The following CFAP74 variants were observed in gnomAD, a reference collection of about 807,000 sequenced individuals.
CFAP74 encodes cilia and flagella associated protein 74, also known as cilia- and flagella-associated protein 74.
Under a neutral mutation model 188.9 loss-of-function variants are expected in CFAP74, and 124 were observed. The ratio of observed to expected loss-of-function variants is 0.66; its 90% CI spans 0.57 to 0.76. The LOEUF (loss-of-function observed/expected upper bound fraction) is 0.76. Among genes scored for constraint, CFAP74 ranks in the 30% least tolerant of loss-of-function variants. The pLI, the probability that CFAP74 is intolerant of heterozygous loss-of-function variation, is 0.00. For synonymous variants in CFAP74, 956 were observed against 916.7 expected (o/e 1.04, Z -0.77); for missense variants, 2,198 against 2,165.2 (o/e 1.02, Z -0.30).
Position 1,959,168 on chromosome 1 carries a change from C to T in CFAP74, c.1803G>A (p.Gln601=). The change falls in exon 16 of 39, where the codon CAG becomes CAA. Residue 601 remains glutamine, a synonymous_variant. Coordinates refer to ENST00000682832, the MANE Select transcript of CFAP74 (RefSeq NM_001304360.2). ...TCAGTGGAACTGAAAACTCGCCCGT[C>T]TGAGCCAAAAATGAGATATTTCCTT... The part of the protein sequence containing the change: ...DLEGNISFLA[Q]TGEFSVPLKC... 1 of 1,613,274 alleles carries T rather than the reference C, an allele frequency of 6.2e-7. No individual in the cohort carries two copies. Among genetic ancestry groups the T allele is most frequent in the South Asian group, 1.1e-5 (1 of 91,076 alleles).
chr1:1,952,352 TA>T lies in CFAP74; in HGVS notation c.2176+3338del, dbSNP rs111449449. ...AGGATAAAAGGCTAGAGTATAAAAT[TA>T]AAAAAAAAAAAGAAAAGAAACAAAA... On this transcript the variant is annotated intron_variant, in intron 18 of 38. Transcript: ENST00000682832. Among the ~76,000 whole-genome samples, 711 of 135,500 alleles carry T rather than the reference TA, an allele frequency of 5.2e-3. 1 individual carries two copies. The highest frequency in any genetic ancestry group is 0.012 in the African/African-American group (465 of 38,286). The allele number at this position is 135,500 out of a possible 152,430, so 88.9% of individuals were successfully genotyped here.
At chr1:1,988,805 C>T (rs1657396980) in intron 3 of CFAP74, 84 bp downstream of exon 3, 3 of 1,003,168 alleles carry the variant, frequency 3.0e-6, no homozygotes, top group Non-Finnish European at 4.4e-6. Flanking sequence ...GAAGCAGCCG[C>T]CCCGCTCCCT....
At chr1:1,926,401 C>T in intron 31 of CFAP74, 54 bp from the exon 32 acceptor site, 1 of 1,550,218 alleles carries the variant, frequency 6.5e-7, no homozygotes, top group South Asian at 1.2e-5. Context: ...CTACCACGCC[C>T]TCCCCGGTCC....
At chr1:1,990,832 A>T in intron 2 of CFAP74, 58 bp downstream of exon 2, 1 of 1,337,964 alleles carries the variant, frequency 7.5e-7, no homozygotes, top group South Asian at 1.2e-5. Context: ...ACTATGAAGC[A>T]TGTCATTTGT....
At chr1:1,931,604 G>GC (rs1263404430) in intron 25 of CFAP74, among the ~76,000 whole-genome samples, 1 of 149,538 alleles carries the variant, frequency 6.7e-6, no homozygotes, top group Non-Finnish European at 1.5e-5. Context: ...GGGTGTGCTG[G>GC]CGGGCGCCTG....
chr1:1,969,886 G>A (rs1261230398), intron 10 of CFAP74, among the ~76,000 whole-genome samples: 1 of 152,270 alleles, frequency 6.6e-6, no homozygotes, highest in African/African-American at 2.4e-5. Flanking sequence ...TGGACAGGGA[G>A]ACTGGGATGG....
rs577618889 is a variant in CFAP74 at position 1,926,579 on chromosome 1, G to A, written c.3773-67C>T. ...CAGGGAGCGTCTCTGCCAGGGGTGG[G>A]CCGTGGGGCTGGGGGAGGCGTGGGT... On this transcript the variant is annotated intron_variant, in intron 30 of 38. Coordinates refer to ENST00000682832, the MANE Select transcript of CFAP74 (RefSeq NM_001304360.2). 3.9e-6 allele frequency: 6 copies of A among 1,547,030 alleles called. No homozygotes were observed. The South Asian group carries it at 7.1e-5, about 18-fold the overall frequency.
chr1:1,990,881 C>G lies in CFAP74; in HGVS notation c.67+9G>C, dbSNP rs1657527846. ...GAAACTTCCGTTACTGTGAAAGAAG[C>G]TTTATTACCATCTTCCAAAAGAAGG... On this transcript the variant is annotated intron_variant, in intron 2 of 38. Transcript: ENST00000682832. 6.2e-7 allele frequency: 1 copy of G among 1,609,272 alleles called. No individual in the cohort carries two copies. The highest frequency in any genetic ancestry group is 8.5e-7 in the Non-Finnish European group (1 of 1,177,790).
At chr1:1,933,415 G>A (rs1266703141) in intron 25 of CFAP74, among the ~76,000 whole-genome samples, 2 of 144,550 alleles carry the variant, frequency 1.4e-5, no homozygotes, top group South Asian at 4.4e-4. Flanking sequence ...CCTGACCTCA[G>A]GTGATCCGCC....
intron 26 of CFAP74, 140 bp from the exon 27 acceptor site, chr1:1,929,022 T>TCTGTCCCC: frequency 1.6e-6 from 1 of 615,148 alleles, no homozygotes. Flanking sequence ...GCGTGCCCCT[T>TCTGTCCCC]CAGGAAGCCC....
At chr1:1,925,343 A>AAGGCATGAGAGCACACAGGGCAGTGCG (rs1328276257) in intron 33 of CFAP74, among the ~76,000 whole-genome samples, 2 of 151,816 alleles carry the variant, frequency 1.3e-5, no homozygotes, top group Non-Finnish European at 2.9e-5. Flanking sequence ...CGCTGGTGTG[A>AAGGCATGAGAGCACACAGGGCAGTGCG]AGGCATGAGA....
Position 1,968,615 on chromosome 1 carries a change from C to T in CFAP74, c.1245+20G>A. Reference sequence around the variant, plus strand: ...TCCACAGGTGTGCGGCTTCTGTCTACAGGAAGGCGTTTTGCTCACCAGTGT... The same window carrying T: ...TCCACAGGTGTGCGGCTTCTGTCTATAGGAAGGCGTTTTGCTCACCAGTGT... On this transcript the variant is annotated intron_variant, in intron 11 of 38. Transcript: ENST00000682832. This position sits in a 1 kb window ranked among gnomAD's most constrained non-coding sequence, Gnocchi z 4.3. The T allele has an allele frequency of 6.2e-7, 1 of 1,608,012 alleles. No individual in the cohort carries two copies. The highest frequency in any genetic ancestry group is 1.1e-5 in the South Asian group (1 of 90,782).
rs540449658 is a variant in CFAP74, at chr1:1,961,605, C to T, written c.1695-1575G>A. ...CACCTCTGCACGCGCCCTCCAGAAACCACATGGATCAATGAGAGAAACAGG... is the reference window on the plus strand; with the variant it reads ...CACCTCTGCACGCGCCCTCCAGAAATCACATGGATCAATGAGAGAAACAGG... On this transcript the variant is annotated intron_variant, in intron 14 of 38. Coordinates refer to ENST00000682832, the MANE Select transcript of CFAP74 (RefSeq NM_001304360.2). 1.1e-4 allele frequency among the ~76,000 whole-genome samples: 16 copies of T among 152,192 alleles called. No homozygotes were observed. In the South Asian group the frequency reaches 3.3e-3, roughly 32 times the overall value.
At chr1:2,002,604 A>G (rs939410330) in intron 1 of CFAP74, among the ~76,000 whole-genome samples, 10 of 151,062 alleles carry the variant, frequency 6.6e-5, no homozygotes, top group Non-Finnish European at 1.2e-4. Context: ...CAGGAGGTGG[A>G]GGTTGCAGTG....
chr1:1,966,553 A>G (rs1234349748), intron 11 of CFAP74, 27 bp from the exon 12 acceptor site: 7 of 1,500,682 alleles, frequency 4.7e-6, no homozygotes, highest in Non-Finnish European at 6.3e-6. Context: ...GAACATCGCA[A>G]AGACACGCTC....
At chr1:1,941,229 G>A (rs1214485180) in intron 22 of CFAP74, among the ~76,000 whole-genome samples, 1 of 152,206 alleles carries the variant, frequency 6.6e-6, no homozygotes, top group Non-Finnish European at 1.5e-5. Flanking sequence ...CCGATTTTAA[G>A]CTCAGCTCCG....
chr1:1,966,837 ATTTT>A (rs756219387), intron 11 of CFAP74, among the ~76,000 whole-genome samples: 2 of 135,682 alleles, frequency 1.5e-5, no homozygotes, highest in Non-Finnish European at 3.2e-5. Flanking sequence ...ATCTGTTCTC[ATTTT>A]TTTTTTTTTT....
chr1:1,972,123 C>A, intron 8 of CFAP74, 41 bp from the exon 9 acceptor site: 1 of 1,505,068 alleles, frequency 6.6e-7, no homozygotes, highest in East Asian at 2.3e-5. Flanking sequence ...CTCTGTCGCC[C>A]AGGCTGGTGT....
At chr1:1,961,507 G>A (rs748442473) in intron 14 of CFAP74, among the ~76,000 whole-genome samples, 3 of 152,180 alleles carry the variant, frequency 2.0e-5, no homozygotes, top group African/African-American at 2.4e-5. Flanking sequence ...GAAAATAACC[G>A]TCCATGAGAA....
Sources: gnomAD v4.1 joint callset for allele counts (sites outside exome capture counted in the v4.1 genomes callset) on GRCh38, gnomAD v4.1.1 for gene constraint, Gnocchi (gnomAD v3.1) non-coding constraint, MANE v1.5 for transcripts, NCBI Gene and HGNC (gene_info 2026-07-23, HGNC 2026-07-21) for gene names.